The following KCNH8 variants were observed in gnomAD, a reference collection of about 807,000 sequenced individuals.
KCNH8 encodes the protein potassium voltage-gated channel subfamily H member 8, also known as voltage-gated delayed rectifier potassium channel KCNH8.
Under a neutral mutation model 103.6 loss-of-function variants are expected in KCNH8, and 70 were observed. The ratio of observed to expected loss-of-function variants is 0.68; its 90% CI spans 0.56 to 0.82. The LOEUF is 0.82. Ranked by LOEUF, KCNH8 falls within the 40% of genes least tolerant of loss-of-function variation. The pLI is 0.00. For missense variants in KCNH8, 1,217 were observed against 1,329.9 expected (o/e 0.92, Z 1.32); for synonymous variants, 498 against 489.4 (o/e 1.02, Z -0.23).
At chr3:19,348,342 G>A (rs569319613) in intron 5 of KCNH8, among the ~76,000 whole-genome samples, 2 of 151,978 alleles carry the variant, frequency 1.3e-5, no homozygotes, top group South Asian at 4.1e-4. Flanking sequence ...ACTCCTTGAC[G>A]TGTTCTTTCT....
chr3:19,506,966 C>T (rs1053543295), intron 11 of KCNH8, among the ~76,000 whole-genome samples: 30 of 152,088 alleles, frequency 2.0e-4, no homozygotes, highest in African/African-American at 5.6e-4. Flanking sequence ...TTCCCCAGTC[C>T]GAGGGCAGCA....
chr3:19,532,172 T>C (rs1468064385), intron 15 of KCNH8, among the ~76,000 whole-genome samples: 2 of 152,230 alleles, frequency 1.3e-5, no homozygotes, highest in African/African-American at 4.8e-5. Flanking sequence ...ATGAATGTTA[T>C]TATGTATTTT....
intron 7 of KCNH8, among the ~76,000 whole-genome samples, chr3:19,428,238 GA>G (rs1157357936): frequency 6.6e-6 from 1 of 152,058 alleles, no homozygotes; most frequent in African/African-American, 2.4e-5. Flanking sequence ...ACAGAAAAAA[GA>G]TCATTACAAC....
intron 1 of KCNH8, among the ~76,000 whole-genome samples, chr3:19,189,807 A>G (rs1032941733): frequency 5.9e-5 from 9 of 152,026 alleles, no homozygotes; most frequent in Non-Finnish European, 8.8e-5. Context: ...CAAACTGAAA[A>G]CAGCCCAAAA....
chr3:19,218,642 G>C (rs2125229747), intron 1 of KCNH8, among the ~76,000 whole-genome samples: 1 of 152,266 alleles, frequency 6.6e-6, no homozygotes, highest in East Asian at 1.9e-4. Flanking sequence ...ATGGCTGCTG[G>C]AACAATGTAC....
intron 1 of KCNH8, among the ~76,000 whole-genome samples, chr3:19,249,058 G>A (rs1353477512): frequency 6.6e-6 from 1 of 152,074 alleles, no homozygotes; most frequent in African/African-American, 2.4e-5. Flanking sequence ...AAATTACCTA[G>A]AAACAAGCAG....
chr3:19,185,777 C>T (rs1204995992), intron 1 of KCNH8, among the ~76,000 whole-genome samples: 4 of 151,940 alleles, frequency 2.6e-5, no homozygotes, highest in African/African-American at 9.7e-5. Flanking sequence ...AGAATTCCTA[C>T]ATTCTAATTA....
At chr3:19,382,204 A>G (rs116353323) in intron 5 of KCNH8, among the ~76,000 whole-genome samples, 1,601 of 152,280 alleles carry the variant, frequency 0.011, 42 homozygotes, top group African/African-American at 0.034. Context: ...ACTAAGTTTC[A>G]AAAAACAATT....
At chr3:19,212,814 G>C (rs917149698) in intron 1 of KCNH8, among the ~76,000 whole-genome samples, 1 of 152,102 alleles carries the variant, frequency 6.6e-6, no homozygotes, top group South Asian at 2.1e-4. Flanking sequence ...AAATCACTTT[G>C]TATTTTTTCT....
chr3:19,178,004 T>TGGA (rs1159164583), intron 1 of KCNH8, among the ~76,000 whole-genome samples: 1 of 152,088 alleles, frequency 6.6e-6, no homozygotes, highest in Non-Finnish European at 1.5e-5. Context: ...TTAAAGTCAG[T>TGGA]GGAACATTTG....
At chr3:19,404,129 C>A (rs1333513855) in intron 7 of KCNH8, among the ~76,000 whole-genome samples, 1 of 151,912 alleles carries the variant, frequency 6.6e-6, no homozygotes, top group Non-Finnish European at 1.5e-5. Flanking sequence ...GAAAACTAAT[C>A]ATTTCACCTG....
At chr3:19,461,857 C>T (rs898371522) in intron 11 of KCNH8, among the ~76,000 whole-genome samples, 4 of 152,138 alleles carry the variant, frequency 2.6e-5, no homozygotes, top group Admixed American at 6.5e-5. Context: ...TGATGTTCCC[C>T]GCCCTGTGTC....
intron 11 of KCNH8, among the ~76,000 whole-genome samples, chr3:19,500,283 A>C (rs1286881081): frequency 1.3e-5 from 2 of 152,178 alleles, no homozygotes; most frequent in Admixed American, 1.3e-4. Context: ...CAGAATCATA[A>C]AGCAAGTCCT....
intron 1 of KCNH8, among the ~76,000 whole-genome samples, chr3:19,242,028 C>T (rs531671915): frequency 2.9e-4 from 44 of 152,170 alleles, no homozygotes; most frequent in African/African-American, 8.2e-4. Flanking sequence ...AGAAACTACA[C>T]GGGCAAAAGC....
chr3:19,294,583 C>A (rs1362668355), intron 3 of KCNH8, among the ~76,000 whole-genome samples: 1 of 152,142 alleles, frequency 6.6e-6, no homozygotes, highest in Admixed American at 6.5e-5. Flanking sequence ...GATGCTTAAA[C>A]TGATTTAAAA....
chr3:19,303,063 C>T (rs981065224), intron 3 of KCNH8, among the ~76,000 whole-genome samples: 1 of 152,196 alleles, frequency 6.6e-6, no homozygotes, highest in African/African-American at 2.4e-5. Flanking sequence ...TGACCACTTA[C>T]TTCCTCAAGG....
At chr3:19,526,397 T>C (rs559662099) in intron 15 of KCNH8, among the ~76,000 whole-genome samples, 1 of 151,988 alleles carries the variant, frequency 6.6e-6, no homozygotes, top group South Asian at 2.1e-4. Context: ...TGGAGAAATA[T>C]AAAACGTATG....
chr3:19,512,890 A>C (rs2068805890), intron 12 of KCNH8, 80 bp from the exon 13 acceptor site: 1 of 1,244,050 alleles, frequency 8.0e-7, no homozygotes, highest in African/African-American at 1.5e-5. Flanking sequence ...ACTTTGTTCT[A>C]ATGAGACCTC....
intron 7 of KCNH8, among the ~76,000 whole-genome samples, chr3:19,424,516 T>C (rs560686033): frequency 1.2e-4 from 18 of 152,042 alleles, no homozygotes; most frequent in Non-Finnish European, 2.1e-4. Context: ...TTCTATAATA[T>C]AACATCAGAA....
Sources: allele counts gnomAD v4.1 joint callset (sites outside exome capture counted in the v4.1 genomes callset), GRCh38; gene constraint gnomAD v4.1.1; transcripts MANE v1.5; gene names NCBI Gene and HGNC (gene_info 2026-07-23, HGNC 2026-07-21).